Variants in ZNF532 observed in about 807,000 individuals in gnomAD.
The protein encoded by ZNF532 is zinc finger protein 532.
A neutral mutation model predicts 89.3 loss-of-function variants in ZNF532; 22 were observed. The ratio of observed to expected loss-of-function variants is 0.25; its 90% CI spans 0.18 to 0.35. The LOEUF is 0.35. ZNF532 is among the 10% of genes least tolerant of loss of function. The pLI, the probability that ZNF532 is intolerant of heterozygous loss-of-function variation, is 1.00. For missense variants in ZNF532, 1,132 were observed against 1,643.4 expected (o/e 0.69, Z 5.38); for synonymous variants, 606 against 649.6 (o/e 0.93, Z 1.02).
chr18:58,973,303 A>G (rs1280076295), intron 7 of ZNF532, among the ~76,000 whole-genome samples: 1 of 152,218 alleles, frequency 6.6e-6, no homozygotes, highest in African/African-American at 2.4e-5. Flanking sequence ...GGATTTTGCC[A>G]TGTTGGCCAG....
In ZNF532 at chr18:58,896,526, G is replaced by C. The variant is rs532461548; in HGVS notation, c.-17-21745G>C. ...TGGGAAGGTGGGGAAAGAGGCTGCT[G>C]CACATGCTTGGGATGTCTTCAGCCA... On this transcript the variant is annotated intron_variant, in intron 2 of 9. Transcript: ENST00000591808. The C allele has an allele frequency of 2.0e-5, 3 of 152,520 alleles. No homozygotes were observed. The East Asian group carries it at 5.8e-4, about 29-fold the overall frequency. 9.4% of individuals were successfully genotyped at this position (152,520 alleles called of 1,614,324 possible).
chr18:58,886,856 G>GT (rs905017733), intron 2 of ZNF532, among the ~76,000 whole-genome samples: 5 of 152,134 alleles, frequency 3.3e-5, no homozygotes, highest in East Asian at 1.9e-4. Context: ...GGAAGAGTAG[G>GT]TTTTTTTCTA....
intron 2 of ZNF532, among the ~76,000 whole-genome samples, chr18:58,910,467 CTAGTT>C (rs1327984899): frequency 1.3e-5 from 2 of 151,950 alleles, no homozygotes; most frequent in Non-Finnish European, 1.5e-5. Flanking sequence ...GTGAAATTCT[CTAGTT>C]TATTTTTTTT....
chr18:58,974,910 C>T (rs901906314), intron 7 of ZNF532, among the ~76,000 whole-genome samples: 1 of 152,172 alleles, frequency 6.6e-6, no homozygotes, highest in Non-Finnish European at 1.5e-5. Context: ...TATTTTCATT[C>T]GATGTGTCAC....
chr18:58,969,091 C>T (rs1350545442), intron 7 of ZNF532, among the ~76,000 whole-genome samples: 3 of 152,258 alleles, frequency 2.0e-5, no homozygotes, highest in South Asian at 2.1e-4. Flanking sequence ...GATGCTTGCT[C>T]GCTTTAGTTT....
chr18:58,930,139 G>A (rs1018100717), intron 3 of ZNF532, among the ~76,000 whole-genome samples: 1 of 152,040 alleles, frequency 6.6e-6, no homozygotes, highest in African/African-American at 2.4e-5. Context: ...CTACTTTTCT[G>A]CCTAAAATAT....
intron 3 of ZNF532, chr18:58,926,260 A>G (rs1354860586): frequency 6.6e-6 from 1 of 152,186 alleles, no homozygotes; most frequent in Non-Finnish European, 1.5e-5. Flanking sequence ...AAGAACAGAT[A>G]CTACACTTGT....
chr18:58,907,428 C>A (rs1053566312), intron 2 of ZNF532, among the ~76,000 whole-genome samples: 3 of 152,020 alleles, frequency 2.0e-5, no homozygotes, highest in Non-Finnish European at 4.4e-5. Flanking sequence ...TCGTGATCCC[C>A]CCTGCCCACC....
At chr18:58,955,902 C>G (rs573445636) in intron 7 of ZNF532, among the ~76,000 whole-genome samples, 2 of 152,306 alleles carry the variant, frequency 1.3e-5, no homozygotes, top group South Asian at 2.1e-4. Flanking sequence ...CTGTCAGAGT[C>G]TGATGTGGTG....
At position 58,954,346 on chromosome 18, in the gene ZNF532, T is replaced by C. The variant is rs557576134; in HGVS notation, c.3150+547T>C. 6.5e-6 allele frequency: 5 copies of C among 766,278 alleles called. No individual in the cohort carries two copies. The South Asian group carries it at 3.0e-4, about 46-fold the overall frequency. 47.5% of individuals were successfully genotyped at this position (766,278 alleles called of 1,614,324 possible). On this transcript the variant is annotated intron_variant, in intron 7 of 9. Transcript: ENST00000591808. ...TTCTCTTTTAAATAGTAAGTATATG[T>C]CTCCAACTGATAAGGAATTTAAAAA...
chr18:58,888,740 AT>A (rs34378616), intron 2 of ZNF532, among the ~76,000 whole-genome samples: 31 of 54,280 alleles, frequency 5.7e-4, no homozygotes, highest in African/African-American at 2.7e-3. Context: ...ATATATATAT[AT>A]TTTATATATA....
At position 58,940,963 on chromosome 18, in the gene ZNF532, T is replaced by TTCTCTCTCTCTC. The variant is rs140521782; in HGVS notation, c.2705+1359_2705+1370dup. Among the ~76,000 whole-genome samples, 3 of 105,358 alleles carry TTCTCTCTCTCTC rather than the reference T, an allele frequency of 2.8e-5. No homozygotes were observed. In the Admixed American group the frequency reaches 3.0e-4, roughly 10 times the overall value. 69.1% of individuals were successfully genotyped at this position (105,358 alleles called of 152,430 possible). A position where few individuals can be genotyped will look rare whatever the true frequency, so the allele number is the denominator to read the frequency against. ...ACACACACACACACACACACACTCT[T>TTCTCTCTCTCTC]TCTCTCTCTCTCTCTCTCTCTCTCT... is the stretch of plus-strand genomic sequence containing the variant. On this transcript the variant is annotated intron_variant, in intron 5 of 9. Transcript: ENST00000591808.
At chr18:58,958,230 A>G (rs1325777657) in intron 7 of ZNF532, among the ~76,000 whole-genome samples, 3 of 152,186 alleles carry the variant, frequency 2.0e-5, no homozygotes, top group Non-Finnish European at 4.4e-5. Flanking sequence ...ATCAAGTCAA[A>G]TACTTTAAAA....
At chr18:58,879,194 C>A (rs1196498290) in intron 2 of ZNF532, among the ~76,000 whole-genome samples, 2 of 152,128 alleles carry the variant, frequency 1.3e-5, no homozygotes, top group African/African-American at 2.4e-5. Context: ...AAATCTGATA[C>A]ATTAGCGTCT....
At chr18:58,870,063 GC>G (rs1400408977) in intron 2 of ZNF532, among the ~76,000 whole-genome samples, 1 of 143,880 alleles carries the variant, frequency 7.0e-6, no homozygotes, top group Non-Finnish European at 1.5e-5. Flanking sequence ...ACTGTGCCCA[GC>G]CCAGGTTGTT....
intron 2 of ZNF532, among the ~76,000 whole-genome samples, chr18:58,885,225 G>T (rs961212769): frequency 2.0e-5 from 3 of 152,138 alleles, no homozygotes; most frequent in African/African-American, 7.2e-5. Context: ...CCGACCTCAG[G>T]TGATCTGCCC....
chr18:58,878,124 A>G (rs142272573), intron 2 of ZNF532, among the ~76,000 whole-genome samples: 45 of 152,210 alleles, frequency 3.0e-4, no homozygotes, highest in African/African-American at 1.0e-3. Flanking sequence ...GTGTGGTGGC[A>G]TGCACCTGTA....
At chr18:58,934,762 C>A in intron 4 of ZNF532, 148 bp downstream of exon 4, 1 of 778,546 alleles carries the variant, frequency 1.3e-6, no homozygotes, top group Non-Finnish European at 2.0e-6. Context: ...TTTGTAGAGT[C>A]CATCTGTTTG....
In ZNF532 at chr18:58,984,100, C is replaced by T; in HGVS notation, c.3540C>T (p.Gly1180=). ...VFKVHKCAVC[G]FTTENLLQFH... ...AGGTTCACAAGTGTGCCGTGTGTGG[C>T]TTCACCACCGAAAACCTGCTGCAAT... Residue 1180 remains glycine, a synonymous_variant, in exon 10 of 10, where the codon GGC becomes GGT. Transcript: ENST00000591808. The T allele has an allele frequency of 1.2e-6, 2 of 1,611,874 alleles. No homozygotes were observed. Among genetic ancestry groups the T allele is most frequent in the Non-Finnish European group, 1.7e-6 (2 of 1,179,850 alleles).
Sources: gnomAD v4.1 joint callset for allele counts (sites outside exome capture counted in the v4.1 genomes callset) on GRCh38, gnomAD v4.1.1 for gene constraint, MANE v1.5 for transcripts, NCBI Gene and HGNC (gene_info 2026-07-23, HGNC 2026-07-21) for gene names.